PPP2R3A: variants seen among roughly 807,000 people sequenced by gnomAD.
PPP2R3A encodes protein phosphatase 2 regulatory subunit B''alpha, also known as serine/threonine-protein phosphatase 2A regulatory subunit B'' subunit alpha.
In PPP2R3A, 80 loss-of-function variants were observed where a neutral mutation model predicts 106.9. The observed-to-expected ratio is 0.75, with a 90% CI of 0.62 to 0.90. PPP2R3A has a LOEUF of 0.90. PPP2R3A is among the 40% of genes least tolerant of loss of function. The pLI is 0.00. For synonymous variants in PPP2R3A, 483 were observed against 468.3 expected (o/e 1.03, Z -0.41); for missense variants, 1,386 against 1,350.4 (o/e 1.03, Z -0.41).
Position 136,019,046 on chromosome 3 carries a change from C to A in PPP2R3A, c.1996-7786C>A, listed in dbSNP as rs530617548. Among the ~76,000 whole-genome samples, 3 of 152,178 alleles carry A rather than the reference C, an allele frequency of 2.0e-5. No homozygotes were observed. In the South Asian group the frequency reaches 6.2e-4, roughly 31 times the overall value. On this transcript the variant is annotated intron_variant, in intron 2 of 13. Transcript: ENST00000264977. ...CTTTTGCCTAATGAAGCTCTCTTAT[C>A]GTTGTCATCCTGAAGACTCAGATTG...
At chr3:135,977,550 G>A (rs1311085582) in intron 1 of PPP2R3A, among the ~76,000 whole-genome samples, 1 of 152,040 alleles carries the variant, frequency 6.6e-6, no homozygotes, top group East Asian at 1.9e-4. Flanking sequence ...TACTCATAAT[G>A]GACTGTTGGT....
At position 136,049,248 on chromosome 3, in the gene PPP2R3A, T is replaced by TCA; in HGVS notation, c.2367-11_2367-10insCA. 1 of 1,590,100 alleles carries TCA rather than the reference T, an allele frequency of 6.3e-7. No individual in the cohort carries two copies. Among genetic ancestry groups the TCA allele is most frequent in the South Asian group, 1.1e-5 (1 of 87,992 alleles). ...GGAACTAATCTTCCTAAGCAGTTGT[T>TCA]TCTTTTATAGGTTGCTGAATAACCA... On this transcript the variant is annotated splice_polypyrimidine_tract_variant and intron_variant, in intron 4 of 13. Transcript: ENST00000264977.
intron 3 of PPP2R3A, 141 bp downstream of exon 3, chr3:136,027,239 TTC>T: frequency 1.3e-6 from 1 of 774,382 alleles, no homozygotes. Flanking sequence ...GTTGTTGTTT[TTC>T]CCATAGTGAT....
intron 3 of PPP2R3A, among the ~76,000 whole-genome samples, chr3:136,028,353 C>A (rs1934741260): frequency 6.6e-6 from 1 of 152,232 alleles, no homozygotes; most frequent in African/African-American, 2.4e-5. Flanking sequence ...TCTCTTCCTT[C>A]ATTCCCCCTT....
chr3:136,001,504 A>G lies in PPP2R3A; in HGVS notation c.6A>G (p.Ala2=). Residue 2 remains alanine, a synonymous_variant, in exon 2 of 14, where the codon GCA becomes GCG. Coordinates refer to ENST00000264977, the MANE Select transcript of PPP2R3A (RefSeq NM_002718.5). M[A]ATYRLVVSTV... ...CAGTAAGTGGATTTGATATTATGGC[A>G]GCAACTTACAGACTTGTGGTTAGTA... 3.7e-6 allele frequency: 6 copies of G among 1,609,650 alleles called. No homozygotes were observed. The highest frequency in any genetic ancestry group is 2.5e-6 in the Non-Finnish European group (3 of 1,176,868).
chr3:136,123,817 C>T (rs1938085481), intron 13 of PPP2R3A, among the ~76,000 whole-genome samples: 1 of 152,172 alleles, frequency 6.6e-6, no homozygotes, highest in South Asian at 2.1e-4. Flanking sequence ...GAGATTTCAA[C>T]ACTTCTCATT....
intron 2 of PPP2R3A, among the ~76,000 whole-genome samples, chr3:136,017,679 A>C (rs1230666676): frequency 6.6e-6 from 1 of 152,174 alleles, no homozygotes; most frequent in African/African-American, 2.4e-5. Flanking sequence ...CTTCTGAGCA[A>C]AATCCTTTGG....
chr3:136,137,315 A>T (rs1173817192), intron 13 of PPP2R3A, among the ~76,000 whole-genome samples: 1 of 152,122 alleles, frequency 6.6e-6, no homozygotes, highest in Non-Finnish European at 1.5e-5. Flanking sequence ...TCAATGATCC[A>T]GGGATAACCA....
intron 3 of PPP2R3A, among the ~76,000 whole-genome samples, chr3:136,027,688 T>A (rs1362928846): frequency 3.3e-5 from 5 of 152,224 alleles, no homozygotes; most frequent in Non-Finnish European, 2.9e-5. Context: ...TATATTTGAT[T>A]ATGCCATTTC....
chr3:136,059,332 A>T (rs1450781615), intron 5 of PPP2R3A, among the ~76,000 whole-genome samples: 1 of 152,150 alleles, frequency 6.6e-6, no homozygotes, highest in Non-Finnish European at 1.5e-5. Context: ...ATGAACAAAT[A>T]TTTTTCAAAA....
chr3:136,020,790 T>C (rs1011956362), intron 2 of PPP2R3A, among the ~76,000 whole-genome samples: 3 of 152,138 alleles, frequency 2.0e-5, no homozygotes, highest in Admixed American at 1.3e-4. Flanking sequence ...CTGTGTGTGA[T>C]GGGCATTAGT....
At chr3:136,051,091 G>A (rs1479396770) in intron 5 of PPP2R3A, among the ~76,000 whole-genome samples, 4 of 152,174 alleles carry the variant, frequency 2.6e-5, no homozygotes, top group African/African-American at 7.2e-5. Flanking sequence ...ATTCTTCATA[G>A]CCTGAGATAT....
chr3:136,115,838 G>C (rs13073773), intron 13 of PPP2R3A, among the ~76,000 whole-genome samples: 1 of 152,066 alleles, frequency 6.6e-6, no homozygotes, highest in African/African-American at 2.4e-5. Context: ...TATTATCCAG[G>C]AGAACTTTCC....
chr3:136,016,070 T>C (rs1934257513), intron 2 of PPP2R3A, among the ~76,000 whole-genome samples: 1 of 152,212 alleles, frequency 6.6e-6, no homozygotes, highest in African/African-American at 2.4e-5. Context: ...GATTTCATTG[T>C]TGACTCAACA....
At chr3:136,123,421 A>C (rs555294524) in intron 13 of PPP2R3A, among the ~76,000 whole-genome samples, 2 of 152,322 alleles carry the variant, frequency 1.3e-5, no homozygotes, top group African/African-American at 4.8e-5. Flanking sequence ...ATGAAAATAA[A>C]GACTTTAAAA....
chr3:136,069,728 G>A (rs1936368827), intron 5 of PPP2R3A, among the ~76,000 whole-genome samples: 2 of 152,190 alleles, frequency 1.3e-5, no homozygotes, highest in Admixed American at 1.3e-4. Context: ...TTGATGACAA[G>A]CCAGTTAATA....
intron 13 of PPP2R3A, among the ~76,000 whole-genome samples, chr3:136,110,425 C>T (rs1049454412): frequency 6.6e-6 from 1 of 150,838 alleles, no homozygotes; most frequent in Non-Finnish European, 1.5e-5. Context: ...AGCCATTGGA[C>T]TGAATAATAG....
At chr3:136,115,106 T>C (rs112947671) in intron 13 of PPP2R3A, among the ~76,000 whole-genome samples, 10 of 152,196 alleles carry the variant, frequency 6.6e-5, no homozygotes, top group African/African-American at 1.9e-4. Context: ...CAGCCTCCGC[T>C]GATGATACCC....
chr3:136,098,878 A>T (rs771394463), intron 10 of PPP2R3A, among the ~76,000 whole-genome samples: 4 of 152,164 alleles, frequency 2.6e-5, no homozygotes, highest in Non-Finnish European at 4.4e-5. Context: ...GTTTAAATGA[A>T]CAGTTGATCT....
Sources: gnomAD v4.1 joint callset for allele counts (sites outside exome capture counted in the v4.1 genomes callset) on GRCh38, gnomAD v4.1.1 for gene constraint, MANE v1.5 for transcripts, NCBI Gene and HGNC (gene_info 2026-07-23, HGNC 2026-07-21) for gene names.